The following PTPRG variants were observed in gnomAD, a reference collection of about 807,000 sequenced individuals.
The protein encoded by PTPRG is receptor-type tyrosine-protein phosphatase gamma.
In PTPRG, 102 loss-of-function variants were observed where a neutral mutation model predicts 165.3. The ratio of observed to expected loss-of-function variants is 0.62; its 90% CI spans 0.53 to 0.73. The LOEUF (loss-of-function observed/expected upper bound fraction) is 0.73, where lower values mean the gene tolerates loss of function less well. Among genes scored for constraint, PTPRG ranks in the 30% least tolerant of loss-of-function variants. The pLI is 0.00. For synonymous variants in PTPRG, 675 were observed against 669.5 expected, an observed-to-expected ratio of 1.01 and a Z score of -0.13; for missense variants, 1,866 against 1,861.4, an observed-to-expected ratio of 1.00 and a Z score of -0.05.
At position 61,927,153 on chromosome 3, in the gene PTPRG, T is replaced by G. The variant is rs1575792913; in HGVS notation, c.191-62472T>G. Among the ~76,000 whole-genome samples, 3 of 152,368 alleles carry G rather than the reference T, an allele frequency of 2.0e-5. No homozygotes were observed. The South Asian group carries it at 6.2e-4, about 32-fold the overall frequency. On this transcript the variant is annotated intron_variant, in intron 2 of 29. Transcript: ENST00000474889. ...CGCTTCTATTTTTGTTCTGTTCATTTGATCTTTTCCATCGGTAGGCACATT... is the reference window on the plus strand; with the variant it reads ...CGCTTCTATTTTTGTTCTGTTCATTGGATCTTTTCCATCGGTAGGCACATT...
chr3:61,641,188 C>A (rs1027099147), intron 1 of PTPRG, among the ~76,000 whole-genome samples: 23 of 152,136 alleles, frequency 1.5e-4, no homozygotes, highest in Non-Finnish European at 2.4e-4. Context: ...CCTCCCCCTC[C>A]ACCGTTCCTT....
intron 2 of PTPRG, among the ~76,000 whole-genome samples, chr3:61,919,093 T>G: frequency 6.6e-6 from 1 of 152,204 alleles, no homozygotes; most frequent in East Asian, 1.9e-4. Flanking sequence ...CATTGATGCT[T>G]GTAATTCCTG....
intron 1 of PTPRG, among the ~76,000 whole-genome samples, chr3:61,629,045 C>A (rs999780395): frequency 1.3e-5 from 2 of 152,094 alleles, no homozygotes; most frequent in African/African-American, 2.4e-5. Context: ...TTATTGATTT[C>A]ATTTGGGAAG....
chr3:61,655,694 C>T (rs748938540), intron 1 of PTPRG, among the ~76,000 whole-genome samples: 1 of 152,168 alleles, frequency 6.6e-6, no homozygotes, highest in Non-Finnish European at 1.5e-5. Context: ...TCCTGGCTCA[C>T]TCCTGGGCTC....
chr3:62,133,644 G>A (rs1173116387), intron 6 of PTPRG, among the ~76,000 whole-genome samples: 1 of 152,148 alleles, frequency 6.6e-6, no homozygotes, highest in Non-Finnish European at 1.5e-5. Context: ...CCTACTCAGT[G>A]TAGAAAAATA....
intron 2 of PTPRG, among the ~76,000 whole-genome samples, chr3:61,760,798 T>C (rs1223397512): frequency 1.3e-5 from 2 of 152,182 alleles, no homozygotes; most frequent in African/African-American, 4.8e-5. Flanking sequence ...GTTGTTCTTT[T>C]CCCTGTGTCC....
At chr3:61,564,070 C>CT (rs1230440868) in intron 1 of PTPRG, among the ~76,000 whole-genome samples, 3 of 152,232 alleles carry the variant, frequency 2.0e-5, no homozygotes, top group African/African-American at 7.2e-5. Flanking sequence ...GGTTTGCCCA[C>CT]TGGAGTCCTG....
chr3:61,862,680 C>T (rs1046809480), intron 2 of PTPRG, among the ~76,000 whole-genome samples: 2 of 152,150 alleles, frequency 1.3e-5, no homozygotes, highest in African/African-American at 4.8e-5. Context: ...CAGGTGTAAG[C>T]CACCGTGCCC....
chr3:61,970,726 A>G (rs2040363620), intron 2 of PTPRG, among the ~76,000 whole-genome samples: 7 of 152,156 alleles, frequency 4.6e-5, no homozygotes, highest in Admixed American at 4.6e-4. Context: ...TCTGCATCTT[A>G]AAGTCACATT....
chr3:61,899,164 T>C (rs1244771655), intron 2 of PTPRG, among the ~76,000 whole-genome samples: 1 of 152,166 alleles, frequency 6.6e-6, no homozygotes, highest in Non-Finnish European at 1.5e-5. Context: ...TGGAGACATC[T>C]CTCTGGGTGG....
chr3:61,796,685 C>A (rs971717508), intron 2 of PTPRG, among the ~76,000 whole-genome samples: 4 of 152,174 alleles, frequency 2.6e-5, no homozygotes, highest in African/African-American at 9.6e-5. Flanking sequence ...ATCCTTCTGA[C>A]TTTTTAGGTC....
chr3:61,664,033 A>T (rs528647620), intron 1 of PTPRG, among the ~76,000 whole-genome samples: 1 of 152,204 alleles, frequency 6.6e-6, no homozygotes, highest in African/African-American at 2.4e-5. Flanking sequence ...CTCAGAATCC[A>T]TTCTTGTTAT....
chr3:62,088,150 A>T lies in PTPRG; in HGVS notation c.615+9892A>T, dbSNP rs911630030. Among the ~76,000 whole-genome samples, 12 of 152,214 alleles carry T rather than the reference A, an allele frequency of 7.9e-5. No homozygotes were observed. The East Asian group carries it at 9.6e-4, about 12-fold the overall frequency. ...CCACAGGCAATGTGGCCATGTCTGG[A>T]AACACTTTAGGTGTGTCAGGGTAGA... On this transcript the variant is annotated intron_variant, in intron 5 of 29. Coordinates refer to ENST00000474889, the MANE Select transcript of PTPRG (RefSeq NM_002841.4).
intron 1 of PTPRG, among the ~76,000 whole-genome samples, chr3:61,728,653 A>C (rs560410210): frequency 6.6e-6 from 1 of 151,076 alleles, no homozygotes; most frequent in African/African-American, 2.4e-5. Flanking sequence ...GTTTTCAATT[A>C]AGATGATCTA....
At chr3:62,066,147 T>C in intron 4 of PTPRG, among the ~76,000 whole-genome samples, 1 of 152,236 alleles carries the variant, frequency 6.6e-6, no homozygotes, top group East Asian at 1.9e-4. Flanking sequence ...CCTGTGTTAA[T>C]TTTGCTTAGC....
intron 1 of PTPRG, among the ~76,000 whole-genome samples, chr3:61,577,277 C>T (rs193173442): frequency 2.0e-5 from 3 of 152,258 alleles, no homozygotes; most frequent in East Asian, 1.9e-4. Flanking sequence ...ACCAAGTACT[C>T]GGATGACATC....
At position 62,271,359 on chromosome 3, in the gene PTPRG, C is replaced by A. The variant is rs564611690; in HGVS notation, c.3010-24C>A. 2.5e-6 allele frequency: 4 copies of A among 1,570,014 alleles called. No individual in the cohort carries two copies. In the Admixed American group the frequency reaches 5.5e-5, roughly 21 times the overall value. Reference sequence around the variant, plus strand: ...GAATGTCCACCCCCCCGCTTAAAGACATCTTTTTTCACTTTTCTCACAGGG... The same window carrying A: ...GAATGTCCACCCCCCCGCTTAAAGAAATCTTTTTTCACTTTTCTCACAGGG... On this transcript the variant is annotated intron_variant, in intron 20 of 29. Transcript: ENST00000474889. The surrounding 1 kb of genome is among the most constrained non-coding windows in gnomAD (Gnocchi z 4.1).
At chr3:61,905,593 G>A (rs1253792202) in intron 2 of PTPRG, among the ~76,000 whole-genome samples, 4 of 152,220 alleles carry the variant, frequency 2.6e-5, no homozygotes, top group Non-Finnish European at 5.9e-5. Context: ...ATCCCCAGGA[G>A]TATTTAAGCA....
At position 61,661,332 on chromosome 3, in the gene PTPRG, T is replaced by TAAAA. The variant is rs1310793802; in HGVS notation, c.86-87543_86-87542insAAAA. 4.9e-3 allele frequency among the ~76,000 whole-genome samples: 650 copies of TAAAA among 133,478 alleles called. 19 individuals are homozygous for TAAAA. The East Asian group carries it at 0.086, about 18-fold the overall frequency. 87.6% of individuals were successfully genotyped at this position (133,478 alleles called of 152,430 possible). On this transcript the variant is annotated intron_variant, in intron 1 of 29. Coordinates refer to ENST00000474889, the MANE Select transcript of PTPRG (RefSeq NM_002841.4). ...TTATAAAAGTTTCCTTTTTTTTTTT[T>TAAAA]AAATTTTTAAGAGAGAAGTGATTTC...
Sources: allele counts gnomAD v4.1 joint callset (sites outside exome capture counted in the v4.1 genomes callset), GRCh38; gene constraint gnomAD v4.1.1; non-coding constraint Gnocchi (gnomAD v3.1); transcripts MANE v1.5; gene names NCBI Gene and HGNC (gene_info 2026-07-23, HGNC 2026-07-21).